The following RNF130 variants were observed in gnomAD, a reference collection of about 807,000 sequenced individuals.
The protein encoded by RNF130 is E3 ubiquitin-protein ligase RNF130.
In RNF130, 21 loss-of-function variants were observed where a neutral mutation model predicts 44.6. The ratio of observed to expected loss-of-function variants is 0.47; its 90% confidence interval spans 0.33 to 0.68. RNF130 has a LOEUF of 0.68. RNF130 is among the 30% of genes least tolerant of loss of function. The pLI is 0.02. For synonymous variants in RNF130, 214 were observed against 210.4 expected (o/e 1.02, Z -0.15); for missense variants, 479 against 560.6 (o/e 0.85, Z 1.47).
chr5:180,069,486 G>A (rs1436405564), intron 1 of RNF130, among the ~76,000 whole-genome samples: 1 of 151,742 alleles, frequency 6.6e-6, no homozygotes, highest in Non-Finnish European at 1.5e-5. Context: ...ATCAAGGAAA[G>A]GGAGGCTAAA....
intron 7 of RNF130, among the ~76,000 whole-genome samples, chr5:179,928,702 C>A (rs1384753810): frequency 6.6e-6 from 1 of 151,252 alleles, no homozygotes; most frequent in African/African-American, 2.4e-5. Flanking sequence ...GATCTCGGCT[C>A]ACTGCAAGCC....
chr5:179,944,524 C>A (rs923692320), intron 7 of RNF130, among the ~76,000 whole-genome samples: 2 of 152,064 alleles, frequency 1.3e-5, no homozygotes, highest in African/African-American at 4.8e-5. Flanking sequence ...AGTGCAGTGC[C>A]ACAATCTTGG....
At chr5:180,060,548 T>A (rs1439625207) in intron 1 of RNF130, among the ~76,000 whole-genome samples, 1 of 152,152 alleles carries the variant, frequency 6.6e-6, no homozygotes, top group African/African-American at 2.4e-5. Flanking sequence ...CAGCCTAGAT[T>A]TTTACCAACA....
At chr5:179,984,433 T>C (rs967511772) in intron 3 of RNF130, among the ~76,000 whole-genome samples, 2 of 152,196 alleles carry the variant, frequency 1.3e-5, no homozygotes, top group African/African-American at 4.8e-5. Flanking sequence ...GATGCCCTAA[T>C]AGTTTGAGGA....
At chr5:179,926,804 C>T (rs558455245) in intron 7 of RNF130, among the ~76,000 whole-genome samples, 13 of 152,278 alleles carry the variant, frequency 8.5e-5, no homozygotes, top group South Asian at 6.2e-4. Flanking sequence ...GGGCATTGGA[C>T]GTGGAGACAG....
intron 5 of RNF130, chr5:179,976,646 A>G (rs1762721473): frequency 6.6e-6 from 1 of 151,826 alleles, no homozygotes; most frequent in African/African-American, 2.4e-5. Flanking sequence ...GGACTTCCAG[A>G]ATCTTGGATT....
intron 7 of RNF130, among the ~76,000 whole-genome samples, chr5:179,946,057 T>C (rs1762032961): frequency 6.6e-6 from 1 of 152,368 alleles, no homozygotes; most frequent in East Asian, 1.9e-4. Context: ...CCATCAGCGT[T>C]TCGCTGTCCT....
chr5:179,918,750 A>C (rs1582119363), exon 8 of RNF130: 1 of 152,222 alleles, frequency 6.6e-6, no homozygotes, highest in Non-Finnish European at 1.5e-5. Flanking sequence ...TAAAATCTGC[A>C]CCATTCTAGC....
Position 179,955,689 on chromosome 5 carries a change from A to G in RNF130, c.1245-20T>C. On this transcript the variant is annotated intron_variant, in intron 8 of 8. Transcript: ENST00000521389. ...TCTACCCTATGGAATAAAAGGAAAA[A>G]AGAGGTCATAAATTAAAGAGTAGTC... The G allele has an allele frequency of 1.3e-6, 2 of 1,560,958 alleles. No homozygotes were observed. Among genetic ancestry groups the G allele is most frequent in the South Asian group, 2.4e-5 (2 of 84,038 alleles).
chr5:179,928,709 A>G (rs1013024606), intron 7 of RNF130, among the ~76,000 whole-genome samples: 7 of 151,740 alleles, frequency 4.6e-5, no homozygotes, highest in African/African-American at 1.7e-4. Context: ...GCTCACTGCA[A>G]GCCCCGCCTC....
chr5:180,066,411 T>C lies in RNF130; in HGVS notation c.247+5045A>G, dbSNP rs375842218. ...CTCTTTTTCTTCCCAGTCTCAGGTA[T>C]GTCTTTATCAGCAGCATGAAAACAG... On this transcript the variant is annotated intron_variant, in intron 1 of 8. Transcript: ENST00000521389. Among the ~76,000 whole-genome samples the C allele has an allele frequency of 3.3e-5, 5 of 152,182 alleles. No homozygotes were observed. In the East Asian group the frequency reaches 9.6e-4, roughly 29 times the overall value.
chr5:180,003,921 T>A (rs774563356), intron 3 of RNF130, among the ~76,000 whole-genome samples: 1 of 152,184 alleles, frequency 6.6e-6, no homozygotes, highest in Non-Finnish European at 1.5e-5. Flanking sequence ...CTAACTAAGG[T>A]TTATTCGGTA....
At chr5:180,009,648 T>C (rs754278875) in intron 3 of RNF130, among the ~76,000 whole-genome samples, 5 of 152,222 alleles carry the variant, frequency 3.3e-5, no homozygotes, top group African/African-American at 4.8e-5. Flanking sequence ...ATGGCCACTT[T>C]GCAAAATGAG....
At chr5:179,968,088 G>A (rs2113705058) in intron 6 of RNF130, among the ~76,000 whole-genome samples, 1 of 152,046 alleles carries the variant, frequency 6.6e-6, no homozygotes, top group Admixed American at 6.6e-5. Context: ...GAGGTCAGGA[G>A]ATCGAGACCA....
At chr5:179,970,366 A>G in intron 6 of RNF130, 44 bp downstream of exon 6, 1 of 1,395,318 alleles carries the variant, frequency 7.2e-7, no homozygotes, top group East Asian at 2.3e-5. Context: ...ACACATACAT[A>G]TAATAATATA....
intron 7 of RNF130, among the ~76,000 whole-genome samples, chr5:179,927,837 G>T (rs1205015139): frequency 6.6e-6 from 1 of 151,832 alleles, no homozygotes; most frequent in Non-Finnish European, 1.5e-5. Flanking sequence ...TGATCCACCC[G>T]CCTTGGCTTC....
chr5:180,016,260 A>G (rs911118218), intron 2 of RNF130, among the ~76,000 whole-genome samples: 1 of 152,130 alleles, frequency 6.6e-6, no homozygotes, highest in Non-Finnish European at 1.5e-5. Flanking sequence ...CCACCCCTAA[A>G]GCCTGATAGG....
intron 8 of RNF130, among the ~76,000 whole-genome samples, chr5:179,963,248 C>A (rs1762372506): frequency 6.6e-6 from 1 of 152,240 alleles, no homozygotes; most frequent in South Asian, 2.1e-4. Context: ...ACCTCTGGAT[C>A]TTTTCTCAAA....
At position 180,022,902 on chromosome 5, in the gene RNF130, G is replaced by A. The variant is rs139826872; in HGVS notation, c.443-9591C>T. ...TGGGTGGGAAAAGAAACATTAAGTA[G>A]AGAGTTCGGCATTCTAACCAAGGGA... On this transcript the variant is annotated intron_variant, in intron 2 of 8. Transcript: ENST00000521389. Among the ~76,000 whole-genome samples the A allele has an allele frequency of 3.2e-3, 485 of 152,340 alleles. 14 individuals are homozygous for A. Among genetic ancestry groups the A allele is most frequent in the Admixed American group, 0.029 (440 of 15,308 alleles).
Sources: gnomAD v4.1 joint callset for allele counts (sites outside exome capture counted in the v4.1 genomes callset) on GRCh38, gnomAD v4.1.1 for gene constraint, MANE v1.5 for transcripts, NCBI Gene and HGNC (gene_info 2026-07-23, HGNC 2026-07-21) for gene names.